GAS2L3: variants seen among roughly 807,000 people sequenced by gnomAD.
GAS2L3 encodes the protein growth arrest specific 2 like 3, also known as GAS2-like protein 3.
GAS2L3 carries 28 observed loss-of-function variants against 37.0 expected under a neutral mutation model. The ratio of observed to expected loss-of-function variants is 0.76; its 90% CI spans 0.56 to 1.04. The LOEUF (loss-of-function observed/expected upper bound fraction) is 1.04. Ranked by LOEUF, GAS2L3 falls within the 50% of genes least tolerant of loss-of-function variation. GAS2L3 has a pLI of 0.00. For missense variants in GAS2L3, 793 were observed against 817.6 expected (o/e 0.97, Z 0.37); for synonymous variants, 290 against 296.6 (o/e 0.98, Z 0.23).
At chr12:100,599,691 A>G (rs986454823) in intron 3 of GAS2L3, among the ~76,000 whole-genome samples, 4 of 152,126 alleles carry the variant, frequency 2.6e-5, no homozygotes, top group Non-Finnish European at 5.9e-5. Context: ...ATGTTTATTG[A>G]GTCTCTGCTA....
intron 1 of GAS2L3, among the ~76,000 whole-genome samples, chr12:100,575,602 C>T (rs1955626708): frequency 6.6e-6 from 1 of 151,088 alleles, no homozygotes; most frequent in Non-Finnish European, 1.5e-5. Flanking sequence ...CTGCCTCAGC[C>T]TCCCGAGTAG....
rs898292380 is a variant in GAS2L3 at position 100,580,133 on chromosome 12, G to A, written c.-152+6348G>A. ...GATGCCACTGGGCCAAGGGGTGCCT[G>A]GACTCATAAATGTTCTCACAGTAAA... is the stretch of plus-strand genomic sequence containing the variant. On this transcript the variant is annotated intron_variant, in intron 1 of 9. Coordinates refer to ENST00000547754, the MANE Select transcript of GAS2L3 (RefSeq NM_174942.3). The A allele has an allele frequency of 5.5e-5, 46 of 841,370 alleles. No homozygotes were observed. In the African/African-American group the frequency reaches 7.2e-4, roughly 13 times the overall value. The allele number at this position is 841,370 out of a possible 1,614,324, so 52.1% of individuals were successfully genotyped here.
chr12:100,619,088 T>C (rs1444812298), intron 8 of GAS2L3, among the ~76,000 whole-genome samples: 10 of 151,870 alleles, frequency 6.6e-5, no homozygotes, highest in Non-Finnish European at 1.5e-4. Flanking sequence ...TAGTGAGTGT[T>C]TGTGTGTGAG....
intron 3 of GAS2L3, among the ~76,000 whole-genome samples, chr12:100,597,016 A>G (rs11110431): frequency 0.076 from 11,616 of 152,020 alleles, 612 homozygotes; most frequent in South Asian, 0.18. Flanking sequence ...TGACTAGCCC[A>G]GGTTATTACT....
At chr12:100,605,766 A>C (rs927236605) in intron 5 of GAS2L3, among the ~76,000 whole-genome samples, 2 of 151,714 alleles carry the variant, frequency 1.3e-5, no homozygotes, top group African/African-American at 4.8e-5. Flanking sequence ...GTCATTCAGA[A>C]GCATATTATT....
chr12:100,621,081 G>A (rs1422333348), intron 8 of GAS2L3, among the ~76,000 whole-genome samples: 1 of 152,048 alleles, frequency 6.6e-6, no homozygotes, highest in Non-Finnish European at 1.5e-5. Flanking sequence ...ATCCACAGGT[G>A]TTCATTTGAT....
chr12:100,594,284 T>C lies in GAS2L3; in HGVS notation c.-30-591T>C, dbSNP rs185917925. Among the ~76,000 whole-genome samples the C allele has an allele frequency of 3.6e-3, 541 of 152,118 alleles. 1 individual carries two copies. Among genetic ancestry groups the C allele is most frequent in the African/African-American group, 0.012 (501 of 41,546 alleles). On this transcript the variant is annotated intron_variant, in intron 2 of 9. Transcript: ENST00000547754. ...AAAGTATTTTTTTTCCATGTAGATT[T>C]CAAGAATACTACTTTGGAGCTAAAA...
intron 8 of GAS2L3, among the ~76,000 whole-genome samples, chr12:100,620,330 T>C (rs1388100442): frequency 2.0e-5 from 3 of 152,036 alleles, no homozygotes; most frequent in Non-Finnish European, 4.4e-5. Context: ...TGTATAGAAA[T>C]GAGAATGAAA....
At chr12:100,573,935 C>T (rs1204184429) in intron 1 of GAS2L3, 150 bp downstream of exon 1, 3 of 152,344 alleles carry the variant, frequency 2.0e-5, no homozygotes, top group African/African-American at 4.8e-5. Context: ...CTGCGGGAGC[C>T]AGTACGCTCT....
At position 100,623,990 on chromosome 12, in the gene GAS2L3, G is replaced by A. The variant is rs61748062; in HGVS notation, c.1185G>A (p.Pro395=). ...LKSSKGITKK[P]QAPSNNASSS... ...CTTCAAAAGGCATAACGAAGAAACC[G>A]CAGGCTCCTTCAAACAATGCATCAT... is the stretch of plus-strand genomic sequence containing the variant. Residue 395 remains proline, a synonymous_variant, in exon 10 of 10, where the codon CCG becomes CCA. Coordinates refer to ENST00000547754, the MANE Select transcript of GAS2L3 (RefSeq NM_174942.3). The A allele has an allele frequency of 5.7e-3, 9,233 of 1,613,814 alleles. 45 individuals are homozygous for A. Among genetic ancestry groups the A allele is most frequent in the Non-Finnish European group, 7.1e-3 (8,385 of 1,179,894 alleles).
At chr12:100,598,827 A>C (rs1955946696) in intron 3 of GAS2L3, among the ~76,000 whole-genome samples, 1 of 152,134 alleles carries the variant, frequency 6.6e-6, no homozygotes, top group Non-Finnish European at 1.5e-5. Context: ...TTCAACACCA[A>C]AGGATTCATT....
At chr12:100,610,827 A>G (rs1956118198) in intron 5 of GAS2L3, among the ~76,000 whole-genome samples, 1 of 152,074 alleles carries the variant, frequency 6.6e-6, no homozygotes, top group South Asian at 2.1e-4. Context: ...GCAGATAGTA[A>G]AAAAAATTAA....
intron 1 of GAS2L3, among the ~76,000 whole-genome samples, chr12:100,588,109 C>T (rs184798334): frequency 7.4e-4 from 112 of 152,208 alleles, no homozygotes; most frequent in African/African-American, 2.7e-3. Flanking sequence ...GGAAGTCTAA[C>T]TATTACTGAT....
intron 1 of GAS2L3, among the ~76,000 whole-genome samples, chr12:100,582,739 A>G (rs1171693327): frequency 6.6e-6 from 1 of 152,246 alleles, no homozygotes; most frequent in Non-Finnish European, 1.5e-5. Flanking sequence ...TATTGGTTTA[A>G]GACGACACAT....
chr12:100,592,169 G>A (rs1249058400), intron 2 of GAS2L3, among the ~76,000 whole-genome samples: 1 of 151,926 alleles, frequency 6.6e-6, no homozygotes, highest in Non-Finnish European at 1.5e-5. Flanking sequence ...TCCTCCCCAG[G>A]GTCATTTTCC....
intron 1 of GAS2L3, among the ~76,000 whole-genome samples, chr12:100,580,857 C>A (rs1364502356): frequency 6.6e-6 from 1 of 152,102 alleles, no homozygotes; most frequent in Non-Finnish European, 1.5e-5. Context: ...ATTCAAATGG[C>A]TTATTTCATC....
Position 100,578,913 on chromosome 12 carries a change from C to T in GAS2L3, c.-152+5128C>T, listed in dbSNP as rs942611669. ...GTGGAAAGCCACATTTACCAGCTCCCTCAGTGCCTGATTGGAAGAGGGGAT... is the reference window on the plus strand; with the variant it reads ...GTGGAAAGCCACATTTACCAGCTCCTTCAGTGCCTGATTGGAAGAGGGGAT... On this transcript the variant is annotated intron_variant, in intron 1 of 9. Coordinates refer to ENST00000547754, the MANE Select transcript of GAS2L3 (RefSeq NM_174942.3). The T allele has an allele frequency of 5.7e-6, 5 of 880,360 alleles. No homozygotes were observed. The African/African-American group carries it at 8.3e-5, about 15-fold the overall frequency. The allele number at this position is 880,360 out of a possible 1,614,324, so 54.5% of individuals were successfully genotyped here. A position where few individuals can be genotyped will look rare whatever the true frequency, so the allele number is the denominator to read the frequency against.
Position 100,624,982 on chromosome 12 carries a change from G to C in GAS2L3, c.*92G>C, listed in dbSNP as rs572460532. 1.9e-5 allele frequency: 18 copies of C among 970,382 alleles called. No homozygotes were observed. The African/African-American group carries it at 2.3e-4, about 12-fold the overall frequency. 60.1% of individuals were successfully genotyped at this position (970,382 alleles called of 1,614,324 possible). On this transcript the variant is annotated 3_prime_UTR_variant, in exon 10 of 10. Coordinates refer to ENST00000547754, the MANE Select transcript of GAS2L3 (RefSeq NM_174942.3). Reference sequence around the variant, plus strand: ...TCTCCTATTTGTGTCTGTCTAAATAGGTGCAGACACTAAGGATAGTGAGGA... The same window carrying C: ...TCTCCTATTTGTGTCTGTCTAAATACGTGCAGACACTAAGGATAGTGAGGA...
intron 5 of GAS2L3, among the ~76,000 whole-genome samples, chr12:100,608,921 C>T (rs73381945): frequency 0.018 from 2,792 of 152,282 alleles, 92 homozygotes; most frequent in African/African-American, 0.064. Flanking sequence ...TTTTTCTGGG[C>T]AGAGAAGCCT....
Sources: gnomAD v4.1 joint callset for allele counts (sites outside exome capture counted in the v4.1 genomes callset) on GRCh38, gnomAD v4.1.1 for gene constraint, MANE v1.5 for transcripts, NCBI Gene and HGNC (gene_info 2026-07-23, HGNC 2026-07-21) for gene names.